GFRAL: variants seen among roughly 807,000 people sequenced by gnomAD.
GFRAL encodes GDNF family receptor alpha like.
Under a neutral mutation model 45.4 loss-of-function variants are expected in GFRAL, and 36 were observed. The ratio of observed to expected loss-of-function variants is 0.79; its 90% confidence interval spans 0.61 to 1.05. GFRAL has a LOEUF of 1.05. Ranked by LOEUF, GFRAL falls within the 50% of genes least tolerant of loss-of-function variation. The pLI, the probability that GFRAL is intolerant of heterozygous loss-of-function variation, is 0.00. For missense variants in GFRAL, 507 were observed against 467.5 expected (o/e 1.08, Z -0.78); for synonymous variants, 166 against 154.1 (o/e 1.08, Z -0.57).
At chr6:55,369,099 G>C (rs902827624) in intron 6 of GFRAL, among the ~76,000 whole-genome samples, 1 of 151,348 alleles carries the variant, frequency 6.6e-6, no homozygotes, top group East Asian at 1.9e-4. Flanking sequence ...GCGAGACTCC[G>C]TGGGCGTAGG....
rs947973508 is a variant in GFRAL, at chr6:55,364,191, A to G, written c.952+5053A>G. ...ATTTGCATTTCTCTGACGGCCAGTG[A>G]TGATGAGCATTTTTTCATGTGTTTT... is the stretch of plus-strand genomic sequence containing the variant. On this transcript the variant is annotated intron_variant, in intron 6 of 8. Transcript: ENST00000340465. 3.2e-4 allele frequency among the ~76,000 whole-genome samples: 49 copies of G among 151,192 alleles called. No homozygotes were observed. In the South Asian group the frequency reaches 6.1e-3, roughly 19 times the overall value.
intron 3 of GFRAL, among the ~76,000 whole-genome samples, chr6:55,341,760 A>G (rs1767969122): frequency 6.6e-6 from 1 of 152,224 alleles, no homozygotes; most frequent in Admixed American, 6.5e-5. Flanking sequence ...ATTGAAAAGA[A>G]GCTAAAAACC....
At chr6:55,380,445 G>A (rs1768592973) in intron 6 of GFRAL, among the ~76,000 whole-genome samples, 1 of 151,868 alleles carries the variant, frequency 6.6e-6, no homozygotes, top group African/African-American at 2.4e-5. Context: ...TGAAAATATA[G>A]GTATTTAGCC....
chr6:55,399,739 C>CA (rs1561869863), intron 8 of GFRAL, among the ~76,000 whole-genome samples: 1 of 151,982 alleles, frequency 6.6e-6, no homozygotes, highest in African/African-American at 2.4e-5. Context: ...CTACCAAATC[C>CA]AAATTGAACT....
intron 8 of GFRAL, among the ~76,000 whole-genome samples, chr6:55,401,429 C>T (rs1428450249): frequency 6.6e-6 from 1 of 152,164 alleles, no homozygotes; most frequent in Non-Finnish European, 1.5e-5. Context: ...ACCTGATGGT[C>T]AAGCCCAACC....
intron 5 of GFRAL, among the ~76,000 whole-genome samples, chr6:55,353,648 A>G (rs1277437619): frequency 6.6e-6 from 1 of 152,138 alleles, no homozygotes; most frequent in Admixed American, 6.6e-5. Flanking sequence ...AAAAATCCTT[A>G]TTAGAGAAAT....
Position 55,341,672 on chromosome 6 carries a change from A to G in GFRAL, c.316+7728A>G, listed in dbSNP as rs565485932. Among the ~76,000 whole-genome samples the G allele has an allele frequency of 3.9e-5, 6 of 152,342 alleles. No individual in the cohort carries two copies. The South Asian group carries it at 8.3e-4, about 21-fold the overall frequency. Reference sequence around the variant, plus strand: ...CCAGCAATGGAACAAAGCTGGATGGAGAATGACTTTGACGAGTTCAGAGAA... The same window carrying G: ...CCAGCAATGGAACAAAGCTGGATGGGGAATGACTTTGACGAGTTCAGAGAA... On this transcript the variant is annotated intron_variant, in intron 3 of 8. Coordinates refer to ENST00000340465, the MANE Select transcript of GFRAL (RefSeq NM_207410.2).
chr6:55,342,561 C>T (rs951812786), intron 3 of GFRAL, among the ~76,000 whole-genome samples: 10 of 152,224 alleles, frequency 6.6e-5, no homozygotes, highest in South Asian at 2.1e-4. Flanking sequence ...TACCCAGCCA[C>T]TGAAAAACTC....
chr6:55,361,467 A>T (rs1481690287), intron 6 of GFRAL, among the ~76,000 whole-genome samples: 2 of 152,040 alleles, frequency 1.3e-5, no homozygotes, highest in Non-Finnish European at 2.9e-5. Flanking sequence ...TGTAAATTGT[A>T]GTTATAATGT....
intron 6 of GFRAL, among the ~76,000 whole-genome samples, chr6:55,396,955 G>A (rs1768833563): frequency 1.4e-5 from 2 of 147,158 alleles, no homozygotes; most frequent in Admixed American, 6.9e-5. Context: ...TCACAGCTAC[G>A]TCAATCTGGA....
At chr6:55,392,413 AT>A (rs1768765384) in intron 6 of GFRAL, among the ~76,000 whole-genome samples, 1 of 152,180 alleles carries the variant, frequency 6.6e-6, no homozygotes, top group Non-Finnish European at 1.5e-5. Flanking sequence ...TTTTCATCAC[AT>A]TGTTATGTGG....
chr6:55,330,743 G>T (rs1767819353), intron 1 of GFRAL, among the ~76,000 whole-genome samples: 1 of 151,994 alleles, frequency 6.6e-6, no homozygotes, highest in African/African-American at 2.4e-5. Flanking sequence ...ACAGAAAAAT[G>T]GCAAGACTAG....
chr6:55,362,272 A>T (rs1034940115), intron 6 of GFRAL, among the ~76,000 whole-genome samples: 6 of 143,454 alleles, frequency 4.2e-5, no homozygotes, highest in African/African-American at 1.6e-4. Context: ...TGAAATGATA[A>T]TGAAAAAAAA....
At chr6:55,369,689 G>C (rs1347674482) in intron 6 of GFRAL, among the ~76,000 whole-genome samples, 1 of 13,828 alleles carries the variant, frequency 7.2e-5, no homozygotes, top group African/African-American at 2.6e-4. Context: ...AAATTTGGTA[G>C]ACACTGAAAA....
At chr6:55,345,231 G>A (rs1360630924) in intron 3 of GFRAL, among the ~76,000 whole-genome samples, 3 of 152,092 alleles carry the variant, frequency 2.0e-5, no homozygotes, top group South Asian at 2.1e-4. Flanking sequence ...GGCCCGCATT[G>A]CCAAGACAAT....
chr6:55,365,123 G>T (rs1311011924), intron 6 of GFRAL, among the ~76,000 whole-genome samples: 1 of 151,234 alleles, frequency 6.6e-6, no homozygotes, highest in Non-Finnish European at 1.5e-5. Flanking sequence ...CTTGAGGAGT[G>T]GTTTGTAGTT....
intron 8 of GFRAL, among the ~76,000 whole-genome samples, chr6:55,400,388 A>G (rs953067790): frequency 1.3e-5 from 2 of 152,152 alleles, no homozygotes; most frequent in East Asian, 1.9e-4. Context: ...ACCTAGAAAG[A>G]TTAATTCAGT....
intron 5 of GFRAL, 57 bp from the exon 6 acceptor site, chr6:55,358,831 T>C: frequency 6.6e-7 from 1 of 1,526,200 alleles, no homozygotes. Flanking sequence ...GGGGATCACA[T>C]GTTAATGTGA....
Position 55,402,131 on chromosome 6 carries a change from C to A in GFRAL, c.*278C>A, listed in dbSNP as rs1195744208. On this transcript the variant is annotated 3_prime_UTR_variant, in exon 9 of 9. Transcript: ENST00000340465. Reference sequence around the variant, plus strand: ...TAGCTGGGATTACAGGTACCCGCCACCACGCCCAGCTAATTTTTTTGTATT... The same window carrying A: ...TAGCTGGGATTACAGGTACCCGCCAACACGCCCAGCTAATTTTTTTGTATT... 8 of 250,298 alleles carry A rather than the reference C, an allele frequency of 3.2e-5. No individual in the cohort carries two copies. The highest frequency in any genetic ancestry group is 5.3e-5 in the Non-Finnish European group (7 of 133,330). 15.5% of individuals were successfully genotyped at this position (250,298 alleles called of 1,614,324 possible).
Sources: gnomAD v4.1 joint callset for allele counts (sites outside exome capture counted in the v4.1 genomes callset) on GRCh38, gnomAD v4.1.1 for gene constraint, MANE v1.5 for transcripts, NCBI Gene and HGNC (gene_info 2026-07-23, HGNC 2026-07-21) for gene names.